Variants in DIP2C observed in about 807,000 individuals in gnomAD.
The protein encoded by DIP2C is DIP2 acetate--CoA ligase C (putative).
A neutral mutation model predicts 192.4 loss-of-function variants in DIP2C; 33 were observed. The observed-to-expected ratio is 0.17, with a 90% CI of 0.13 to 0.23. The LOEUF is 0.23. Ranked by LOEUF, DIP2C falls within the 10% of genes least tolerant of loss-of-function variation. The pLI is 1.00. For missense variants in DIP2C, 1,537 were observed against 2,110.1 expected (o/e 0.73, Z 5.32); for synonymous variants, 979 against 864.1 (o/e 1.13, Z -2.33).
chr10:410,247 G>A (rs779037044), intron 8 of DIP2C, among the ~76,000 whole-genome samples: 2 of 152,146 alleles, frequency 1.3e-5, no homozygotes, highest in African/African-American at 2.4e-5. Flanking sequence ...GACACTTCCC[G>A]GTCATACTAC....
At chr10:674,077 A>G (rs79381221) in intron 1 of DIP2C, among the ~76,000 whole-genome samples, 2,300 of 152,358 alleles carry the variant, frequency 0.015, 55 homozygotes, top group African/African-American at 0.05. Context: ...TTTGTGTACA[A>G]GTAACTAAGT....
At chr10:324,731 G>T (rs992365244) in intron 31 of DIP2C, 3 of 329,382 alleles carry the variant, frequency 9.1e-6, no homozygotes, top group Non-Finnish European at 1.9e-5. Flanking sequence ...ATACAGAACC[G>T]TGCTCAACAC....
rs1240720213 is a variant in DIP2C at position 277,417 on chromosome 10, T to C, written c.4579A>G (p.Ile1527Val). The change falls in exon 37 of 37, where the codon ATC (isoleucine) becomes GTC (valine). Residue 1527 changes from isoleucine to valine, a missense_variant. Around this residue, in one of 4 missense-constraint regions of DIP2C, gnomAD observed 341 missense variants for 551.7 expected, o/e 0.62. Transcript: ENST00000280886. ...CGCTGCTTCTCCCCACGGGAGTTGA[T>C]GGGGATGACGCCGATGTCCACCACG... is the stretch of plus-strand genomic sequence containing the variant. ...VVVVDIGVIP[I>V]NSRGEKQRMH... The C allele has an allele frequency of 6.2e-7, 1 of 1,614,036 alleles. No homozygotes were observed. The highest frequency in any genetic ancestry group is 8.5e-7 in the Non-Finnish European group (1 of 1,180,028).
chr10:557,897 CAGGCGGGGAAGG>C (rs1439690612), intron 1 of DIP2C, among the ~76,000 whole-genome samples: 1 of 23,728 alleles, frequency 4.2e-5, no homozygotes, highest in Non-Finnish European at 8.7e-5. Context: ...GGGGCAGGGG[CAGGCGGGGAAGG>C]GGGCGGGGAA....
Position 414,088 on chromosome 10 carries a change from T to G in DIP2C, c.882A>C (p.Gln294His). 44 of 1,613,600 alleles carry G rather than the reference T, an allele frequency of 2.7e-5. No homozygotes were observed. Among genetic ancestry groups the G allele is most frequent in the Non-Finnish European group, 3.7e-5 (44 of 1,179,654 alleles). Reference protein sequence around the residue: ...LLEVQQPDPNQPKPEGAQMLA... With the variant: ...LLEVQQPDPNHPKPEGAQMLA... ...GCATCTGGGCCCCCTCCGGCTTTGG[T>G]TGGTTCGGATCCGGTTGTTGAACTA... The change falls in exon 8 of 37, where the codon CAA (glutamine) becomes CAC (histidine). Residue 294 changes from glutamine (Q) to histidine (H), a missense_variant. Transcript: ENST00000280886.
At chr10:364,929 T>C in intron 19 of DIP2C, 4 of 541,996 alleles carry the variant, frequency 7.4e-6, no homozygotes, top group East Asian at 4.7e-5. Context: ...AAAAGACGAG[T>C]GAAGAGTCAA....
intron 1 of DIP2C, among the ~76,000 whole-genome samples, chr10:592,162 A>G (rs532741018): frequency 6.6e-6 from 1 of 151,708 alleles, no homozygotes; most frequent in Non-Finnish European, 1.5e-5. Context: ...CTAATTAGGA[A>G]GCATATTAAT....
At chr10:668,162 T>C (rs1056436926) in intron 1 of DIP2C, 2 of 148,238 alleles carry the variant, frequency 1.3e-5, no homozygotes, top group African/African-American at 2.5e-5. Context: ...ACAACATATA[T>C]GTGTATTGCA....
chr10:311,391 C>T (rs1295115203), intron 31 of DIP2C: 13 of 685,876 alleles, frequency 1.9e-5, no homozygotes, highest in East Asian at 1.4e-4. Flanking sequence ...TGACATTGCC[C>T]GGCCGGCAGC....
chr10:400,861 AC>A (rs1564664124), intron 9 of DIP2C, among the ~76,000 whole-genome samples: 1 of 151,522 alleles, frequency 6.6e-6, no homozygotes, highest in Non-Finnish European at 1.5e-5. Context: ...GTGATTTTAC[AC>A]GTGTGGCAGC....
chr10:551,183 A>G (rs1848567270), intron 1 of DIP2C, among the ~76,000 whole-genome samples: 1 of 152,182 alleles, frequency 6.6e-6, no homozygotes, highest in Admixed American at 6.5e-5. Context: ...CCCTCCTTGC[A>G]GGTCTCGGCT....
chr10:537,921 C>A (rs749800294), intron 1 of DIP2C, among the ~76,000 whole-genome samples: 1 of 151,952 alleles, frequency 6.6e-6, no homozygotes, highest in Non-Finnish European at 1.5e-5. Flanking sequence ...TCCCAAGCAG[C>A]CTGGATTACA....
chr10:572,727 G>C (rs955336465), intron 1 of DIP2C, among the ~76,000 whole-genome samples: 17 of 152,260 alleles, frequency 1.1e-4, no homozygotes, highest in African/African-American at 3.9e-4. Flanking sequence ...CCATTCATCT[G>C]AAAGTCACAG....
At chr10:348,923 G>A (rs184880443) in intron 25 of DIP2C, among the ~76,000 whole-genome samples, 161 bp from the exon 26 acceptor site, 10 of 152,264 alleles carry the variant, frequency 6.6e-5, no homozygotes, top group East Asian at 1.9e-4. Context: ...CAGCTTTGGC[G>A]GTCACTGTCA....
intron 1 of DIP2C, among the ~76,000 whole-genome samples, chr10:559,339 A>ACGCCGGGGGAT (rs1554734636): frequency 6.6e-6 from 1 of 151,930 alleles, no homozygotes; most frequent in African/African-American, 2.4e-5. Context: ...CGCCGGGGGA[A>ACGCCGGGGGAT]CGCCGGGGGA....
Position 483,587 on chromosome 10 carries a change from C to T in DIP2C, c.157+2872G>A, listed in dbSNP as rs114091699. Among the ~76,000 whole-genome samples the T allele has an allele frequency of 4.3e-3, 651 of 152,318 alleles. 7 individuals are homozygous for T. Among genetic ancestry groups the T allele is most frequent in the African/African-American group, 0.014 (602 of 41,566 alleles). ...CCTTCTCCTGTTTTCCTCACGTTTCCGGCAGATAAATTCTGAAATGGACCT... is the reference window on the plus strand; with the variant it reads ...CCTTCTCCTGTTTTCCTCACGTTTCTGGCAGATAAATTCTGAAATGGACCT... On this transcript the variant is annotated intron_variant, in intron 2 of 36. Transcript: ENST00000280886.
intron 1 of DIP2C, among the ~76,000 whole-genome samples, chr10:525,129 A>G (rs1163452483): frequency 6.6e-6 from 1 of 152,208 alleles, no homozygotes; most frequent in Non-Finnish European, 1.5e-5. Flanking sequence ...ACAGAAAAGC[A>G]TTCTTAAATG....
intron 1 of DIP2C, among the ~76,000 whole-genome samples, chr10:609,952 G>A (rs1350622297): frequency 1.3e-5 from 2 of 152,004 alleles, no homozygotes; most frequent in South Asian, 2.1e-4. Context: ...GCATTCCACC[G>A]AGGGCTTTGG....
chr10:349,286 G>T (rs779429271), intron 25 of DIP2C, 45 bp downstream of exon 25: 2 of 1,583,036 alleles, frequency 1.3e-6, no homozygotes, highest in South Asian at 2.2e-5. Context: ...CACCGCGGCT[G>T]ACCGGCTTGC....
Sources: allele counts gnomAD v4.1 joint callset (sites outside exome capture counted in the v4.1 genomes callset), GRCh38; gene constraint gnomAD v4.1.1; regional missense constraint gnomAD v4.1.1; transcripts MANE v1.5; gene names NCBI Gene and HGNC (gene_info 2026-07-23, HGNC 2026-07-21).